MYLK: variants seen among roughly 807,000 people sequenced by gnomAD.
The protein encoded by MYLK is myosin light chain kinase, smooth muscle.
In MYLK, 106 loss-of-function variants were observed where a neutral mutation model predicts 203.4. That is an observed-to-expected ratio of 0.52 (90% CI 0.45 to 0.61). The LOEUF is 0.61. Ranked by LOEUF, MYLK falls within the 20% of genes least tolerant of loss-of-function variation. MYLK has a pLI of 0.00. For missense variants in MYLK, 2,072 were observed against 2,442.3 expected (o/e 0.85, Z 3.20); for synonymous variants, 867 against 959.5 (o/e 0.90, Z 1.78).
At chr3:123,847,415 A>G (rs2030161642) in intron 2 of MYLK, among the ~76,000 whole-genome samples, 2 of 151,798 alleles carry the variant, frequency 1.3e-5, no homozygotes, top group African/African-American at 4.8e-5. Flanking sequence ...TTCTTGTCCT[A>G]TTGCATTGGC....
At chr3:123,791,614 G>T (rs990694073) in intron 4 of MYLK, among the ~76,000 whole-genome samples, 4 of 152,180 alleles carry the variant, frequency 2.6e-5, no homozygotes, top group Non-Finnish European at 5.9e-5. Flanking sequence ...GCATTGTTCT[G>T]GGTTAATTCA....
chr3:123,750,692 G>A (rs980223296), intron 5 of MYLK, among the ~76,000 whole-genome samples: 4 of 152,174 alleles, frequency 2.6e-5, no homozygotes, highest in African/African-American at 9.7e-5. Flanking sequence ...GCTCTAAACA[G>A]AACTCAGAAG....
chr3:123,703,094 C>G (rs190518795), intron 16 of MYLK, among the ~76,000 whole-genome samples: 1 of 152,332 alleles, frequency 6.6e-6, no homozygotes, highest in Non-Finnish European at 1.5e-5. Flanking sequence ...ATATGAGTTA[C>G]ATCCACCTGG....
chr3:123,874,623 A>G (rs1015721064), intron 2 of MYLK, among the ~76,000 whole-genome samples: 1 of 152,220 alleles, frequency 6.6e-6, no homozygotes, highest in Non-Finnish European at 1.5e-5. Context: ...ATCTTTAAAA[A>G]TTGATAAATT....
intron 32 of MYLK, among the ~76,000 whole-genome samples, chr3:123,619,406 C>T (rs1270926172): frequency 2.0e-5 from 3 of 152,200 alleles, no homozygotes; most frequent in Non-Finnish European, 2.9e-5. Context: ...GTGCTGCAGT[C>T]TCTATCCCTG....
chr3:123,752,978 G>A (rs2063249087), intron 4 of MYLK, among the ~76,000 whole-genome samples: 1 of 152,156 alleles, frequency 6.6e-6, no homozygotes, highest in Non-Finnish European at 1.5e-5. Flanking sequence ...GCTTCTACAG[G>A]TCCGGGCTGG....
rs1033570095 is a variant in MYLK, at chr3:123,636,246, C to T, written c.4961+1825G>A. ...AGTCCTGTATCCTGGCAGACTGGGA[C>T]GACTGGTCCCCTGGCCCGACTGTGG... On this transcript the variant is annotated intron_variant, in intron 29 of 33. Transcript: ENST00000360304. 5.3e-5 allele frequency among the ~76,000 whole-genome samples: 8 copies of T among 152,220 alleles called. No homozygotes were observed. The South Asian group carries it at 6.2e-4, about 12-fold the overall frequency.
chr3:123,852,751 A>C (rs925425260), intron 2 of MYLK, among the ~76,000 whole-genome samples: 3 of 152,090 alleles, frequency 2.0e-5, no homozygotes, highest in African/African-American at 7.2e-5. Flanking sequence ...TCCAGACAGA[A>C]TTTCGAAAGT....
intron 27 of MYLK, among the ~76,000 whole-genome samples, chr3:123,645,235 C>T (rs1187039673): frequency 1.3e-5 from 2 of 152,096 alleles, no homozygotes; most frequent in Non-Finnish European, 2.9e-5. Context: ...GGGATTGGTA[C>T]AATAGAATAA....
intron 5 of MYLK, among the ~76,000 whole-genome samples, chr3:123,745,005 G>T (rs551758388): frequency 1.3e-5 from 2 of 152,208 alleles, no homozygotes; most frequent in Non-Finnish European, 2.9e-5. Context: ...TATATAGATA[G>T]AAATGTTATA....
intron 1 of MYLK, among the ~76,000 whole-genome samples, chr3:123,879,038 A>G (rs558300158): frequency 1.3e-5 from 2 of 152,274 alleles, no homozygotes; most frequent in East Asian, 3.9e-4. Flanking sequence ...GCAAAGGTCA[A>G]GTGGACCTGA....
chr3:123,798,362 A>G (rs556671171), intron 3 of MYLK, among the ~76,000 whole-genome samples: 2 of 152,306 alleles, frequency 1.3e-5, no homozygotes, highest in East Asian at 3.9e-4. Flanking sequence ...TGGGAGTTGT[A>G]CAGAGGAAGA....
chr3:123,800,541 G>A (rs772986465), intron 3 of MYLK, among the ~76,000 whole-genome samples: 10 of 152,174 alleles, frequency 6.6e-5, no homozygotes, highest in Non-Finnish European at 1.3e-4. Context: ...TTCATGTTGA[G>A]CACGACTTTG....
chr3:123,850,239 C>T (rs575413776), intron 2 of MYLK, among the ~76,000 whole-genome samples: 1 of 152,084 alleles, frequency 6.6e-6, no homozygotes, highest in South Asian at 2.1e-4. Context: ...CATGATTTAT[C>T]ATCCTTTGGG....
chr3:123,800,640 A>G (rs911663845), intron 3 of MYLK, among the ~76,000 whole-genome samples: 1 of 152,118 alleles, frequency 6.6e-6, no homozygotes, highest in Non-Finnish European at 1.5e-5. Context: ...CCCTGTCCAG[A>G]CCTTTTCCTC....
intron 3 of MYLK, among the ~76,000 whole-genome samples, chr3:123,794,281 G>A (rs2064904813): frequency 6.6e-6 from 1 of 152,236 alleles, no homozygotes; most frequent in Non-Finnish European, 1.5e-5. Flanking sequence ...GCTTTAGCCT[G>A]AACTGCAAGA....
At chr3:123,759,453 G>A (rs2063466304) in intron 4 of MYLK, among the ~76,000 whole-genome samples, 1 of 152,212 alleles carries the variant, frequency 6.6e-6, no homozygotes, top group Non-Finnish European at 1.5e-5. Flanking sequence ...GAGGCATGTG[G>A]CATTGCAGAG....
intron 2 of MYLK, 60 bp from the exon 3 acceptor site, chr3:123,831,730 G>T: frequency 4.0e-6 from 1 of 249,882 alleles, no homozygotes; most frequent in Non-Finnish European, 8.2e-6. Flanking sequence ...CAAAAGGGAT[G>T]TGGGAGCGGC....
At chr3:123,821,871 G>A (rs2065949620) in intron 3 of MYLK, among the ~76,000 whole-genome samples, 1 of 152,186 alleles carries the variant, frequency 6.6e-6, no homozygotes, top group African/African-American at 2.4e-5. Flanking sequence ...TGGTTTGAAT[G>A]TGTCCCCCAG....
Sources: gnomAD v4.1 joint callset for allele counts (sites outside exome capture counted in the v4.1 genomes callset) on GRCh38, gnomAD v4.1.1 for gene constraint, MANE v1.5 for transcripts, NCBI Gene and HGNC (gene_info 2026-07-23, HGNC 2026-07-21) for gene names.